Variants in CADPS2 observed in about 807,000 individuals in gnomAD.
The protein encoded by CADPS2 is calcium-dependent secretion activator 2.
A neutral mutation model predicts 172.5 loss-of-function variants in CADPS2; 93 were observed. The observed-to-expected ratio is 0.54, with a 90% confidence interval of 0.46 to 0.64. CADPS2 has a LOEUF of 0.64. CADPS2 is among the 30% of genes least tolerant of loss of function. The pLI is 0.00. For synonymous variants in CADPS2, 546 were observed against 555.2 expected, an observed-to-expected ratio of 0.98 and a Z score of 0.23; for missense variants, 1,420 against 1,565.9, an observed-to-expected ratio of 0.91 and a Z score of 1.57.
At chr7:122,527,963 G>A (rs2061410592) in intron 8 of CADPS2, among the ~76,000 whole-genome samples, 1 of 152,094 alleles carries the variant, frequency 6.6e-6, no homozygotes, top group Non-Finnish European at 1.5e-5. Flanking sequence ...TAAGTGCCAG[G>A]TATAAGATTT....
intron 1 of CADPS2, among the ~76,000 whole-genome samples, chr7:122,782,095 A>G (rs1292834995): frequency 6.6e-6 from 1 of 152,214 alleles, no homozygotes; most frequent in Non-Finnish European, 1.5e-5. Context: ...ATAATTATTT[A>G]CATTTTCATT....
chr7:122,747,840 G>GAA (rs1554395086), intron 1 of CADPS2, among the ~76,000 whole-genome samples: 2 of 151,744 alleles, frequency 1.3e-5, no homozygotes, highest in African/African-American at 4.8e-5. Context: ...TTGTGCCTTT[G>GAA]CACAGTTTGC....
At chr7:122,376,876 G>C (rs2042429429) in intron 25 of CADPS2, among the ~76,000 whole-genome samples, 2 of 151,992 alleles carry the variant, frequency 1.3e-5, no homozygotes, top group African/African-American at 4.8e-5. Context: ...CAATTTTTCT[G>C]TCTGTTAATA....
chr7:122,694,296 G>A (rs1409189138), intron 2 of CADPS2, among the ~76,000 whole-genome samples: 1 of 152,184 alleles, frequency 6.6e-6, no homozygotes, highest in Non-Finnish European at 1.5e-5. Flanking sequence ...AGAAGTAGTG[G>A]AGATGAGCAG....
At chr7:122,706,743 C>T (rs2087597745) in intron 2 of CADPS2, among the ~76,000 whole-genome samples, 2 of 141,938 alleles carry the variant, frequency 1.4e-5, no homozygotes, top group Non-Finnish European at 3.0e-5. Context: ...TATATAAGAG[C>T]AAGGAATATA....
chr7:122,451,396 C>A lies in CADPS2; in HGVS notation c.2266G>T (p.Glu756Ter). 1 of 1,541,682 alleles carries A rather than the reference C, an allele frequency of 6.5e-7. No homozygotes were observed. Among genetic ancestry groups the A allele is most frequent in the East Asian group, 2.3e-5 (1 of 43,116 alleles). ...TACCTGAAATGGCTTATCTGATTTT[C>A]TAAAAGGGAAGAGAGTCTCTCTTTT... ...EIKERLSSLLENQISHFRYCF... is the reference protein window; with the variant it reads ...EIKERLSSLL The change falls in exon 15 of 30, where the codon GAA (glutamate) becomes TAA (stop). Residue 756 changes from glutamate (E) to a stop codon, truncating the protein, a stop_gained. Coordinates refer to ENST00000449022, the MANE Select transcript of CADPS2 (RefSeq NM_017954.11). LOFTEE classifies it high-confidence loss of function.
At chr7:122,353,934 A>C (rs970872208) in intron 27 of CADPS2, among the ~76,000 whole-genome samples, 14 of 152,052 alleles carry the variant, frequency 9.2e-5, no homozygotes, top group Non-Finnish European at 1.9e-4. Flanking sequence ...AGCCCTTTAC[A>C]TATTGATCAG....
rs1390654674 is a variant in CADPS2, at chr7:122,554,641, G to T, written c.1384C>A (p.Arg462=). ...TGGCTATTTTTTGGAACTACCATTC[G>T]GTGTAATTCAGCTGATTTGGAGCTA... ...SNSSKSAELH[R]MVVPKNSQDS... is the part of the protein sequence containing the mutation. Residue 462 remains arginine (R), a synonymous_variant, in exon 8 of 30, where the codon CGA becomes AGA. Transcript: ENST00000449022. The T allele has an allele frequency of 1.2e-6, 2 of 1,610,442 alleles. No individual in the cohort carries two copies. Among genetic ancestry groups the T allele is most frequent in the Admixed American group, 3.4e-5 (2 of 59,552 alleles).
intron 3 of CADPS2, among the ~76,000 whole-genome samples, chr7:122,645,759 G>A (rs2078480646): frequency 7.0e-6 from 1 of 143,474 alleles, no homozygotes; most frequent in Non-Finnish European, 1.5e-5. Flanking sequence ...TGCTTACTGT[G>A]AATATCACTG....
At chr7:122,501,589 C>T (rs1202977977) in intron 9 of CADPS2, among the ~76,000 whole-genome samples, 1 of 152,026 alleles carries the variant, frequency 6.6e-6, no homozygotes, top group Non-Finnish European at 1.5e-5. Context: ...GTGGTACATG[C>T]CTGTAATCCC....
intron 14 of CADPS2, among the ~76,000 whole-genome samples, chr7:122,453,017 G>A (rs56241532): frequency 0.013 from 1,993 of 152,254 alleles, 23 homozygotes; most frequent in Middle Eastern, 0.034. Context: ...TATCATTTAA[G>A]TATGAGATTT....
chr7:122,408,386 GTTTGCT>G (rs2046919591), intron 19 of CADPS2, among the ~76,000 whole-genome samples: 1 of 152,018 alleles, frequency 6.6e-6, no homozygotes, highest in African/African-American at 2.4e-5. Context: ...TATGAAAAGT[GTTTGCT>G]CACATCCATT....
At chr7:122,785,413 A>T (rs1589190810) in intron 1 of CADPS2, among the ~76,000 whole-genome samples, 1 of 152,116 alleles carries the variant, frequency 6.6e-6, no homozygotes, top group South Asian at 2.1e-4. Context: ...TGGTTTATTT[A>T]GTTTAAACTG....
chr7:122,385,257 T>TA (rs1394050601), intron 24 of CADPS2, among the ~76,000 whole-genome samples: 2 of 152,120 alleles, frequency 1.3e-5, no homozygotes, highest in African/African-American at 4.8e-5. Flanking sequence ...AGTTACCTGA[T>TA]ATATGTGTAA....
intron 1 of CADPS2, among the ~76,000 whole-genome samples, chr7:122,845,396 A>T (rs1811723635): frequency 6.6e-6 from 1 of 152,242 alleles, no homozygotes; most frequent in African/African-American, 2.4e-5. Context: ...CAAGCGTGGC[A>T]CTGCCAGCAA....
At chr7:122,504,123 T>C (rs1261417679) in intron 9 of CADPS2, among the ~76,000 whole-genome samples, 1 of 152,234 alleles carries the variant, frequency 6.6e-6, no homozygotes, top group Non-Finnish European at 1.5e-5. Context: ...CTTTCATACT[T>C]ATTTTTGACA....
At chr7:122,679,561 C>T (rs759261818) in intron 2 of CADPS2, among the ~76,000 whole-genome samples, 4 of 152,108 alleles carry the variant, frequency 2.6e-5, no homozygotes, top group Admixed American at 6.5e-5. Flanking sequence ...GCCTTGTGAT[C>T]TTTTGTTGCC....
chr7:122,650,159 C>T (rs1007771094), intron 3 of CADPS2, among the ~76,000 whole-genome samples: 2 of 151,688 alleles, frequency 1.3e-5, no homozygotes, highest in South Asian at 2.1e-4. Context: ...ATCCACCCAC[C>T]TCAGGCTCCC....
intron 1 of CADPS2, among the ~76,000 whole-genome samples, chr7:122,822,001 G>C (rs1268393619): frequency 6.6e-6 from 1 of 151,936 alleles, no homozygotes; most frequent in Admixed American, 6.6e-5. Context: ...ACTATCTTCT[G>C]TCTAGTCATA....
Sources: gnomAD v4.1 joint callset for allele counts (sites outside exome capture counted in the v4.1 genomes callset) on GRCh38, gnomAD v4.1.1 for gene constraint, MANE v1.5 for transcripts, NCBI Gene and HGNC (gene_info 2026-07-23, HGNC 2026-07-21) for gene names.